The following TET1 variants were observed in gnomAD, a reference collection of about 807,000 sequenced individuals.
The protein encoded by TET1 is methylcytosine dioxygenase TET1.
In TET1, 13 loss-of-function variants were observed where a neutral mutation model predicts 148.7. The observed-to-expected ratio is 0.09, with a 90% confidence interval of 0.06 to 0.14. The LOEUF (loss-of-function observed/expected upper bound fraction) is 0.14, where lower values mean the gene tolerates loss of function less well. TET1 is among the 10% of genes least tolerant of loss of function. The pLI, the probability that TET1 is intolerant of heterozygous loss-of-function variation, is 1.00. For synonymous variants in TET1, 907 were observed against 937.2 expected, an observed-to-expected ratio of 0.97 and a Z score of 0.59; for missense variants, 2,182 against 2,553.8, an observed-to-expected ratio of 0.85 and a Z score of 3.14.
chr10:68,577,486 C>G (rs575195957), intron 2 of TET1, among the ~76,000 whole-genome samples: 27 of 116,652 alleles, frequency 2.3e-4, no homozygotes, highest in Admixed American at 1.4e-3. Context: ...AAGACCTCAT[C>G]AAAAAACAAA....
At position 68,645,694 on chromosome 10, in the gene TET1, G is replaced by A. The variant is rs767638652; in HGVS notation, c.2965G>A (p.Ala989Thr). The change falls in exon 4 of 12, where the codon GCA becomes ACA. Residue 989 changes from alanine (A) to threonine (T), a missense_variant. Physicochemically the swap from Ala to Thr is moderately conservative, Grantham distance 58. Coordinates refer to ENST00000373644, the MANE Select transcript of TET1 (RefSeq NM_030625.3). Reference sequence around the variant, plus strand: ...ACATATCAACTCAGCTACTAACCAAGCATCCACAAAGTCACATGAATATTC... The same window carrying A: ...ACATATCAACTCAGCTACTAACCAAACATCCACAAAGTCACATGAATATTC... The part of the protein sequence containing the change: ...NSHINSATNQ[A>T]STKSHEYSKV... 2.1e-5 allele frequency: 34 copies of A among 1,613,956 alleles called. No homozygotes were observed. Among genetic ancestry groups the A allele is most frequent in the Admixed American group, 1.5e-4 (9 of 59,976 alleles).
At chr10:68,633,154 A>G (rs2133036933) in intron 3 of TET1, among the ~76,000 whole-genome samples, 2 of 152,218 alleles carry the variant, frequency 1.3e-5, no homozygotes, top group South Asian at 4.1e-4. Flanking sequence ...ACAGCATTCC[A>G]CCCTGGGTGA....
At chr10:68,682,706 T>C (rs2055453063) in intron 9 of TET1, 130 bp from the exon 10 acceptor site, 1 of 1,050,050 alleles carries the variant, frequency 9.5e-7, no homozygotes, top group South Asian at 1.7e-5. Flanking sequence ...ATGACAATAA[T>C]ACATTTAGTC....
intron 3 of TET1, among the ~76,000 whole-genome samples, chr10:68,644,308 G>A (rs2054806756): frequency 6.6e-6 from 1 of 152,058 alleles, no homozygotes; most frequent in Admixed American, 6.6e-5. Flanking sequence ...CTGAAGCGAT[G>A]CTGTCACCAT....
chr10:68,579,467 T>C (rs2053768026), intron 2 of TET1, among the ~76,000 whole-genome samples: 1 of 152,234 alleles, frequency 6.6e-6, no homozygotes, highest in African/African-American at 2.4e-5. Context: ...GTGCTATCTT[T>C]ACTATCAACA....
intron 8 of TET1, among the ~76,000 whole-genome samples, chr10:68,676,585 AT>A (rs993681313): frequency 1.4e-5 from 2 of 148,108 alleles, no homozygotes; most frequent in African/African-American, 2.5e-5. Flanking sequence ...GGCCATTTGT[AT>A]TTTTTTTTCG....
In TET1 at chr10:68,691,800, A is replaced by G. The variant is rs773490285; in HGVS notation, c.6397A>G (p.Asn2133Asp). 1 of 1,612,260 alleles carries G rather than the reference A, an allele frequency of 6.2e-7. No homozygotes were observed. Among genetic ancestry groups the G allele is most frequent in the African/African-American group, 1.3e-5 (1 of 74,856 alleles). ...YALTHVAGPYNHWV is the reference protein window; with the variant it reads ...YALTHVAGPYDHWV ...TCTCACACACGTTGCGGGGCCCTAT[A>G]ACCATTGGGTCTGAAGGCTTTTCTC... The change falls in exon 12 of 12, where the codon AAC becomes GAC. Residue 2133 changes from asparagine (N) to aspartate (D), a missense_variant. Asn to Asp is a conservative substitution (Grantham distance 23). Coordinates refer to ENST00000373644, the MANE Select transcript of TET1 (RefSeq NM_030625.3). The surrounding 1 kb of genome is among the most constrained non-coding windows in gnomAD (Gnocchi z 4.4).
intron 3 of TET1, among the ~76,000 whole-genome samples, chr10:68,616,891 TA>T: frequency 6.6e-6 from 1 of 150,722 alleles, no homozygotes; most frequent in South Asian, 2.1e-4. Flanking sequence ...GTATTTTTAG[TA>T]GAGACGGGGT....
chr10:68,646,800 T>C lies in TET1; in HGVS notation c.4071T>C (p.Asn1357=). 6.2e-7 allele frequency: 1 copy of C among 1,614,152 alleles called. No individual in the cohort carries two copies. Among genetic ancestry groups the C allele is most frequent in the East Asian group, 2.2e-5 (1 of 44,882 alleles). ...CAGCACTAACTCTCAGGAATGTAAA[T>C]GTAGTGTGTTCAGGTGGAATTACAG... The part of the protein sequence containing the change: ...PESALTLRNV[N]VVCSGGITVV... The change falls in exon 4 of 12, where the codon AAT becomes AAC. Residue 1357 remains asparagine (N), a synonymous_variant. Transcript: ENST00000373644.
In TET1 at chr10:68,687,237, T is replaced by C. The variant is rs549797190; in HGVS notation, c.5404+530T>C. 3.3e-5 allele frequency among the ~76,000 whole-genome samples: 5 copies of C among 151,514 alleles called. No homozygotes were observed. In the South Asian group the frequency reaches 1.0e-3, roughly 32 times the overall value. On this transcript the variant is annotated intron_variant, in intron 11 of 11. Transcript: ENST00000373644. ...TTTTTTATACTTTAACATATTCTTT[T>C]TTTATGGCATGGGGAGGGGTCTCAC...
chr10:68,663,011 C>T (rs1422550380), intron 6 of TET1, among the ~76,000 whole-genome samples: 3 of 152,194 alleles, frequency 2.0e-5, no homozygotes, highest in African/African-American at 2.4e-5. Flanking sequence ...GTTTAAAAAA[C>T]GTTTCTCTTG....
At chr10:68,610,049 C>T (rs372990712) in intron 3 of TET1, among the ~76,000 whole-genome samples, 32 of 152,074 alleles carry the variant, frequency 2.1e-4, no homozygotes, top group Admixed American at 1.2e-3. Flanking sequence ...TGTGGGAGGC[C>T]GAGACAGGAG....
chr10:68,672,861 C>A, intron 7 of TET1, 34 bp from the exon 8 acceptor site: 1 of 1,575,954 alleles, frequency 6.3e-7, no homozygotes, highest in Non-Finnish European at 8.7e-7. Context: ...TGTAATGCTT[C>A]ATCAATTCAC....
At chr10:68,600,640 C>G (rs2054043102) in intron 2 of TET1, among the ~76,000 whole-genome samples, 1 of 152,136 alleles carries the variant, frequency 6.6e-6, no homozygotes, top group Admixed American at 6.6e-5. Context: ...ATAATAATAC[C>G]AAAAAGCAGT....
In TET1 at chr10:68,574,158, C is replaced by G; in HGVS notation, c.1820C>G (p.Thr607Ser). The G allele has an allele frequency of 6.2e-7, 1 of 1,613,878 alleles. No homozygotes were observed. The highest frequency in any genetic ancestry group is 1.1e-5 in the South Asian group (1 of 91,080). The part of the protein sequence containing the change: ...CQQKTNCGEC[T>S]YCKNRKNSHQ... ...CAGAAGACCAACTGTGGTGAATGCA[C>G]TTACTGCAAGAACAGAAAGAACAGC... Residue 607 changes from threonine (T) to serine (S), a missense_variant, in exon 2 of 12, where the codon ACT (threonine) becomes AGT (serine). By Grantham distance (58) the Thr-to-Ser change is moderately conservative (BLOSUM62 1). This residue lies in a region of TET1 where 226 missense variants were observed against 307.4 expected (regional missense o/e 0.74). Transcript: ENST00000373644.
At position 68,693,765 on chromosome 10, in the gene TET1, G is replaced by C. The variant is rs2055621986; in HGVS notation, c.*1951G>C. The stretch of plus-strand genomic sequence containing the variant: ...AGCTGCTTCAACAAGATATTTACTA[G>C]TATTAGACTATCAGGAATACACCCT... On this transcript the variant is annotated 3_prime_UTR_variant, in exon 12 of 12. Coordinates refer to ENST00000373644, the MANE Select transcript of TET1 (RefSeq NM_030625.3). 8.6e-6 allele frequency: 2 copies of C among 231,284 alleles called. No individual in the cohort carries two copies. The highest frequency in any genetic ancestry group is 5.6e-5 in the Admixed American group (1 of 17,710). 14.3% of individuals were successfully genotyped at this position (231,284 alleles called of 1,614,324 possible). A position where few individuals can be genotyped will look rare whatever the true frequency, so the allele number is the denominator to read the frequency against.
chr10:68,610,202 G>A (rs1043651279), intron 3 of TET1, among the ~76,000 whole-genome samples: 17 of 152,078 alleles, frequency 1.1e-4, no homozygotes, highest in African/African-American at 4.1e-4. Context: ...AGAATGATGT[G>A]AACCCGGGAG....
chr10:68,624,528 A>G (rs1564974543), intron 3 of TET1, among the ~76,000 whole-genome samples: 1 of 151,820 alleles, frequency 6.6e-6, no homozygotes, highest in Non-Finnish European at 1.5e-5. Flanking sequence ...ACCTCAGGTG[A>G]TCTGCCCACC....
chr10:68,561,020 G>A (rs1378323716), intron 1 of TET1, among the ~76,000 whole-genome samples: 6 of 152,368 alleles, frequency 3.9e-5, no homozygotes, highest in Admixed American at 2.0e-4. Flanking sequence ...CGGGTTGGGG[G>A]CAGCGGGGGC....
Sources: gnomAD v4.1 joint callset for allele counts (sites outside exome capture counted in the v4.1 genomes callset) on GRCh38, gnomAD v4.1.1 for gene constraint, gnomAD v4.1.1 regional missense constraint, Gnocchi (gnomAD v3.1) non-coding constraint, MANE v1.5 for transcripts, NCBI Gene and HGNC (gene_info 2026-07-23, HGNC 2026-07-21) for gene names.